SLC25A21: variants seen among roughly 807,000 people sequenced by gnomAD.
SLC25A21 encodes mitochondrial 2-oxodicarboxylate carrier.
SLC25A21 carries 47 observed loss-of-function variants against 43.8 expected under a neutral mutation model. The ratio of observed to expected loss-of-function variants is 1.07; its 90% CI spans 0.85 to 1.37. The LOEUF (loss-of-function observed/expected upper bound fraction) is 1.37, where lower values mean the gene tolerates loss of function less well. Ranked by LOEUF, SLC25A21 falls within the 40% of genes most tolerant of loss-of-function variation. SLC25A21 has a pLI of 0.00. For synonymous variants in SLC25A21, 131 were observed against 121.3 expected, an observed-to-expected ratio of 1.08 and a Z score of -0.52; for missense variants, 352 against 350.2, an observed-to-expected ratio of 1.00 and a Z score of -0.04.
chr14:36,824,147 A>G, intron 2 of SLC25A21, among the ~76,000 whole-genome samples: 1 of 152,212 alleles, frequency 6.6e-6, no homozygotes. Context: ...TACCTACTGT[A>G]TAGCTTATTG....
chr14:36,895,640 A>G (rs1010040538), intron 1 of SLC25A21, among the ~76,000 whole-genome samples: 50 of 152,138 alleles, frequency 3.3e-4, no homozygotes, highest in African/African-American at 1.1e-3. Flanking sequence ...TTAGGGTGTC[A>G]ATTTTAGATC....
chr14:37,154,231 T>C (rs1297591483), intron 1 of SLC25A21, among the ~76,000 whole-genome samples: 1 of 152,064 alleles, frequency 6.6e-6, no homozygotes, highest in East Asian at 1.9e-4. Context: ...CCACTAATAA[T>C]TGCACCCCAA....
At chr14:36,924,456 C>T (rs1892073047) in intron 1 of SLC25A21, among the ~76,000 whole-genome samples, 1 of 151,628 alleles carries the variant, frequency 6.6e-6, no homozygotes, top group African/African-American at 2.4e-5. Flanking sequence ...TGTTCTCACT[C>T]ATAGGTGGGA....
At chr14:36,986,010 A>G (rs1437926437) in intron 1 of SLC25A21, among the ~76,000 whole-genome samples, 2 of 152,144 alleles carry the variant, frequency 1.3e-5, no homozygotes, top group Non-Finnish European at 2.9e-5. Context: ...AGCTTATATT[A>G]TCTCTGCCCC....
intron 1 of SLC25A21, among the ~76,000 whole-genome samples, chr14:37,066,378 G>A (rs1962060428): frequency 6.6e-6 from 1 of 152,088 alleles, no homozygotes; most frequent in African/African-American, 2.4e-5. Flanking sequence ...ACAACTAAAT[G>A]CAATACCTGA....
At chr14:36,719,212 C>A (rs1045841772) in intron 6 of SLC25A21, among the ~76,000 whole-genome samples, 2 of 152,206 alleles carry the variant, frequency 1.3e-5, no homozygotes, top group Non-Finnish European at 2.9e-5. Context: ...CTTGCCTTAG[C>A]ACAACTGATA....
intron 1 of SLC25A21, among the ~76,000 whole-genome samples, chr14:36,946,652 T>G (rs1001170013): frequency 6.6e-6 from 1 of 152,160 alleles, no homozygotes; most frequent in Admixed American, 6.6e-5. Context: ...TTTCTTCAGG[T>G]GTGTTGTCAC....
At chr14:36,801,520 C>T (rs1159808208) in intron 3 of SLC25A21, among the ~76,000 whole-genome samples, 3 of 152,164 alleles carry the variant, frequency 2.0e-5, no homozygotes, top group South Asian at 2.1e-4. Context: ...TACTTCTCTA[C>T]GCTTCCTTCC....
intron 6 of SLC25A21, among the ~76,000 whole-genome samples, chr14:36,719,377 C>A (rs1374719794): frequency 3.3e-5 from 5 of 152,186 alleles, no homozygotes; most frequent in African/African-American, 1.2e-4. Flanking sequence ...TAGTCCCAAG[C>A]CAAAGAGACA....
chr14:36,812,026 T>C (rs144182226), intron 3 of SLC25A21, among the ~76,000 whole-genome samples: 1 of 152,254 alleles, frequency 6.6e-6, no homozygotes, highest in Non-Finnish European at 1.5e-5. Context: ...ACAACCTACA[T>C]AATAGTCAAA....
intron 1 of SLC25A21, among the ~76,000 whole-genome samples, chr14:37,037,530 T>A (rs1961353868): frequency 1.3e-5 from 2 of 152,010 alleles, no homozygotes; most frequent in Admixed American, 1.3e-4. Context: ...TTCCTCCTGT[T>A]TTCTCTCTCT....
intron 3 of SLC25A21, among the ~76,000 whole-genome samples, chr14:36,779,792 C>T (rs1018335409): frequency 1.4e-4 from 21 of 151,182 alleles, no homozygotes; most frequent in Non-Finnish European, 3.0e-4. Flanking sequence ...ATACTGAGTT[C>T]CTTTCTTTTG....
chr14:37,126,506 A>G (rs1241741702), intron 1 of SLC25A21, among the ~76,000 whole-genome samples: 1 of 151,762 alleles, frequency 6.6e-6, no homozygotes, highest in Admixed American at 6.6e-5. Flanking sequence ...TTGCAACTGT[A>G]TATTTTACAT....
intron 1 of SLC25A21, among the ~76,000 whole-genome samples, chr14:37,059,447 C>T (rs1437386149): frequency 6.6e-6 from 1 of 152,196 alleles, no homozygotes; most frequent in Non-Finnish European, 1.5e-5. Context: ...ATGTTACTGT[C>T]ATATACTGTC....
intron 1 of SLC25A21, among the ~76,000 whole-genome samples, chr14:37,073,396 T>G (rs1307472069): frequency 2.0e-5 from 3 of 152,216 alleles, no homozygotes; most frequent in Admixed American, 2.0e-4. Flanking sequence ...TGCAATTTTT[T>G]GTAGAAACAG....
chr14:37,042,688 A>G (rs1413033552), intron 1 of SLC25A21, among the ~76,000 whole-genome samples: 3 of 152,222 alleles, frequency 2.0e-5, no homozygotes, highest in Non-Finnish European at 4.4e-5. Context: ...CTAAAAATCA[A>G]TATATTAAAG....
chr14:37,143,589 C>CGTGTGTGT lies in SLC25A21; in HGVS notation c.70+28684_70+28691dup, dbSNP rs10531936. Among the ~76,000 whole-genome samples, 2,298 of 148,636 alleles carry CGTGTGTGT rather than the reference C, an allele frequency of 0.015. 76 individuals carry two copies. In the East Asian group the frequency reaches 0.17, roughly 11 times the overall value. ...GCATTTTAATGTGTCTGTTCATTAG[C>CGTGTGTGT]GTGTGTGTGTGTGTGTGTGTGTGTG... On this transcript the variant is annotated intron_variant, in intron 1 of 9. Transcript: ENST00000331299.
chr14:36,722,163 A>C (rs1056527417), intron 6 of SLC25A21, among the ~76,000 whole-genome samples: 25 of 152,200 alleles, frequency 1.6e-4, no homozygotes, highest in Non-Finnish European at 3.5e-4. Flanking sequence ...CAGATTTTTA[A>C]ATTTAGTATA....
chr14:37,008,797 T>G (rs570610490), intron 1 of SLC25A21, among the ~76,000 whole-genome samples: 3 of 152,302 alleles, frequency 2.0e-5, no homozygotes, highest in South Asian at 2.1e-4. Context: ...AATGATCTTA[T>G]AGTGAAGTTA....
Sources: allele counts gnomAD v4.1 joint callset (sites outside exome capture counted in the v4.1 genomes callset), GRCh38; gene constraint gnomAD v4.1.1; transcripts MANE v1.5; gene names NCBI Gene and HGNC (gene_info 2026-07-23, HGNC 2026-07-21).